RIMBP2: variants seen among roughly 807,000 people sequenced by gnomAD.
The protein encoded by RIMBP2 is RIMS binding protein 2, also known as RIMS-binding protein 2.
In RIMBP2, 48 loss-of-function variants were observed where a neutral mutation model predicts 118.6. The observed-to-expected ratio is 0.40, with a 90% CI of 0.32 to 0.51. The LOEUF is 0.51. Ranked by LOEUF, RIMBP2 falls within the 20% of genes least tolerant of loss-of-function variation. The pLI is 0.41. For missense variants in RIMBP2, 1,551 were observed against 1,768.3 expected, an observed-to-expected ratio of 0.88 and a Z score of 2.20; for synonymous variants, 762 against 742.9, an observed-to-expected ratio of 1.03 and a Z score of -0.42.
At chr12:130,655,707 A>T (rs1353925717) in intron 1 of RIMBP2, among the ~76,000 whole-genome samples, 1 of 152,242 alleles carries the variant, frequency 6.6e-6, no homozygotes, top group Non-Finnish European at 1.5e-5. Flanking sequence ...ATACAGGCAA[A>T]CACAGATACA....
rs901416141 is a variant in RIMBP2 at position 130,424,505 on chromosome 12, G to C, written c.2766C>G (p.Asp922Glu). ...SATRSPDSGL[D>E]CGSEEDESRF... ...GCGACTCGTCCTCTTCACTCCCACA[G>C]TCCAGGCCGCTGTCCGGGCTCCGGG... Residue 922 changes from aspartate (D) to glutamate (E), a missense_variant, in exon 16 of 23, where the codon GAC becomes GAG. By Grantham distance (45) the Asp-to-Glu change is conservative. Coordinates refer to ENST00000690449, the MANE Select transcript of RIMBP2 (RefSeq NM_001393629.1). The surrounding 1 kb of genome is among the most constrained non-coding windows in gnomAD (Gnocchi z 9.8). 2 of 1,232,036 alleles carry C rather than the reference G, an allele frequency of 1.6e-6. No homozygotes were observed. Among genetic ancestry groups the C allele is most frequent in the Admixed American group, 8.4e-5 (2 of 23,724 alleles). The allele number at this position is 1,232,036 out of a possible 1,614,324, so 76.3% of individuals were successfully genotyped here. A position where few individuals can be genotyped will look rare whatever the true frequency, so the allele number is the denominator to read the frequency against.
chr12:130,700,454 T>G (rs1288718113), intron 1 of RIMBP2, among the ~76,000 whole-genome samples: 1 of 151,938 alleles, frequency 6.6e-6, no homozygotes, highest in Admixed American at 6.6e-5. Flanking sequence ...ATGCAATTCT[T>G]AAGGTAGGAA....
At chr12:130,452,010 G>A (rs910660666) in intron 7 of RIMBP2, among the ~76,000 whole-genome samples, 1 of 152,202 alleles carries the variant, frequency 6.6e-6, no homozygotes, top group African/African-American at 2.4e-5. Flanking sequence ...GGTCTCAGGG[G>A]CTGCTGAGCC....
In RIMBP2 at chr12:130,621,107, C is replaced by T; in HGVS notation, c.-217+7215G>A. 6.6e-6 allele frequency among the ~76,000 whole-genome samples: 1 copy of T among 152,162 alleles called. No homozygotes were observed. The highest frequency in any genetic ancestry group is 1.9e-4 in the East Asian group (1 of 5,178). On this transcript the variant is annotated intron_variant, in intron 2 of 22. Coordinates refer to ENST00000690449, the MANE Select transcript of RIMBP2 (RefSeq NM_001393629.1). This position sits in a 1 kb window ranked among gnomAD's most constrained non-coding sequence, Gnocchi z 6.6. The stretch of plus-strand genomic sequence containing the variant: ...GAGGGTGGGTTCATTTTTTTACCAG[C>T]ACCCTGGGAGCTGGTCATTCCTACG...
In RIMBP2 at chr12:130,397,023, C is replaced by T. The variant is rs2074120667; in HGVS notation, c.*338G>A. 5.7e-6 allele frequency: 1 copy of T among 175,006 alleles called. No homozygotes were observed. The highest frequency in any genetic ancestry group is 2.3e-5 in the African/African-American group (1 of 42,570). The allele number at this position is 175,006 out of a possible 1,614,324, so 10.8% of individuals were successfully genotyped here. On this transcript the variant is annotated 3_prime_UTR_variant, in exon 23 of 23. Coordinates refer to ENST00000690449, the MANE Select transcript of RIMBP2 (RefSeq NM_001393629.1). ...AAGGGAGAAAGGTTGAAAATCATTC[C>T]TTTAAGGGCAGATGACAAATGCACA...
chr12:130,450,162 TCA>T lies in RIMBP2; in HGVS notation c.581+36_581+37del. On this transcript the variant is annotated intron_variant, in intron 9 of 22. Transcript: ENST00000690449. The surrounding 1 kb of genome is among the most constrained non-coding windows in gnomAD (Gnocchi z 4.8). ...AGACCCAACATCTCATCTGCCCCAC[TCA>T]CAGGGGCTCGGTGGACGCCGAGGGG... 7.0e-7 allele frequency: 1 copy of T among 1,428,050 alleles called. No individual in the cohort carries two copies. The highest frequency in any genetic ancestry group is 1.4e-5 in the African/African-American group (1 of 69,430). 88.5% of individuals were successfully genotyped at this position (1,428,050 alleles called of 1,614,324 possible).
chr12:130,672,579 A>G (rs568755203), intron 1 of RIMBP2, among the ~76,000 whole-genome samples: 1 of 152,326 alleles, frequency 6.6e-6, no homozygotes, highest in South Asian at 2.1e-4. Flanking sequence ...TGGAAGCAGC[A>G]CGTGGGCAAG....
In RIMBP2 at chr12:130,578,683, T is replaced by C. The variant is rs868322816; in HGVS notation, c.-217+49639A>G. Among the ~76,000 whole-genome samples, 1 of 152,174 alleles carries C rather than the reference T, an allele frequency of 6.6e-6. No individual in the cohort carries two copies. Among genetic ancestry groups the C allele is most frequent in the African/African-American group, 2.4e-5 (1 of 41,438 alleles). On this transcript the variant is annotated intron_variant, in intron 2 of 22. Transcript: ENST00000690449. This position sits in a 1 kb window ranked among gnomAD's most constrained non-coding sequence, Gnocchi z 4.1. ...GCGCAAATGCCCCCTTCTCAGAGAC[T>C]TCCCCTCGCTACCCAACGACCGAGT... is the stretch of plus-strand genomic sequence containing the variant.
At chr12:130,537,130 T>G (rs924574432) in intron 2 of RIMBP2, among the ~76,000 whole-genome samples, 4 of 152,160 alleles carry the variant, frequency 2.6e-5, no homozygotes, top group Non-Finnish European at 5.9e-5. Flanking sequence ...TGGATGGGGT[T>G]CCAGGGCAGA....
chr12:130,696,872 G>A (rs1407675475), intron 1 of RIMBP2, among the ~76,000 whole-genome samples: 1 of 152,178 alleles, frequency 6.6e-6, no homozygotes, highest in Non-Finnish European at 1.5e-5. Flanking sequence ...CAGGGCAGTG[G>A]CAACAGCTTC....
At chr12:130,632,562 G>A (rs988448539) in intron 1 of RIMBP2, among the ~76,000 whole-genome samples, 15 of 152,180 alleles carry the variant, frequency 9.9e-5, no homozygotes, top group Non-Finnish European at 2.1e-4. Context: ...CAACCACCCT[G>A]TTCTCTTTGC....
intron 1 of RIMBP2, among the ~76,000 whole-genome samples, chr12:130,695,978 G>C (rs1173352785): frequency 6.6e-6 from 1 of 152,034 alleles, no homozygotes; most frequent in Non-Finnish European, 1.5e-5. Flanking sequence ...GTACATTTAT[G>C]GGAGTAAGAA....
Position 130,624,262 on chromosome 12 carries a change from TG to T in RIMBP2, c.-217+4059del, listed in dbSNP as rs565232996. 1.6e-4 allele frequency among the ~76,000 whole-genome samples: 24 copies of T among 152,376 alleles called. No homozygotes were observed. The East Asian group carries it at 4.2e-3, about 27-fold the overall frequency. On this transcript the variant is annotated intron_variant, in intron 2 of 22. Coordinates refer to ENST00000690449, the MANE Select transcript of RIMBP2 (RefSeq NM_001393629.1). Reference sequence around the variant, plus strand: ...TATAGGACAGAGTTTCACATATGTTTGGAAGGTCCAAACTGATGACAGTGGT... The same window carrying T: ...TATAGGACAGAGTTTCACATATGTTTGAAGGTCCAAACTGATGACAGTGGT...
intron 1 of RIMBP2, among the ~76,000 whole-genome samples, chr12:130,632,331 TTAAGAA>T (rs1313016924): frequency 6.6e-6 from 1 of 152,206 alleles, no homozygotes. Context: ...AGAGAAATCA[TTAAGAA>T]TAACATGAAA....
chr12:130,409,488 G>A (rs1195502125), intron 19 of RIMBP2, among the ~76,000 whole-genome samples: 4 of 151,860 alleles, frequency 2.6e-5, no homozygotes, highest in East Asian at 1.9e-4. Flanking sequence ...GACTGCAGGC[G>A]CCCGCCACCA....
At chr12:130,486,711 GA>G (rs10689343) in intron 4 of RIMBP2, among the ~76,000 whole-genome samples, 25 of 144,286 alleles carry the variant, frequency 1.7e-4, no homozygotes, top group South Asian at 4.5e-4. Context: ...AGATCTTTGA[GA>G]AAAAAAAAAA....
rs76107904 is a variant in RIMBP2 at position 130,557,156 on chromosome 12, G to A, written c.-216-39239C>T. ...GACCTTTGCACACAGAGCTGCACAC[G>A]GGAAGAATGCCAGGTGAAGATGGGC... On this transcript the variant is annotated intron_variant, in intron 2 of 22. Transcript: ENST00000690449. Among the ~76,000 whole-genome samples the A allele has an allele frequency of 3.1e-4, 47 of 152,216 alleles. No homozygotes were observed. The East Asian group carries it at 6.6e-3, about 21-fold the overall frequency.
chr12:130,682,247 C>A lies in RIMBP2; in HGVS notation c.-352+33975G>T, dbSNP rs7963833. On this transcript the variant is annotated intron_variant, in intron 1 of 22. Transcript: ENST00000690449. ...CAAGGGATGCATCTCCTTTCCCAGCCAGAGAGCCTCGTCTGCTCTCCCTTC... is the reference window on the plus strand; with the variant it reads ...CAAGGGATGCATCTCCTTTCCCAGCAAGAGAGCCTCGTCTGCTCTCCCTTC... 1.5e-3 allele frequency among the ~76,000 whole-genome samples: 228 copies of A among 152,338 alleles called. 1 individual carries two copies. The highest frequency in any genetic ancestry group is 5.2e-3 in the African/African-American group (217 of 41,576).
intron 2 of RIMBP2, among the ~76,000 whole-genome samples, chr12:130,556,345 G>A (rs371499415): frequency 2.4e-4 from 37 of 152,170 alleles, no homozygotes; most frequent in African/African-American, 8.4e-4. Flanking sequence ...CCTAGAGACC[G>A]ATGATTCATT....
Sources: allele counts gnomAD v4.1 joint callset (sites outside exome capture counted in the v4.1 genomes callset), GRCh38; gene constraint gnomAD v4.1.1; non-coding constraint Gnocchi (gnomAD v3.1); transcripts MANE v1.5; gene names NCBI Gene and HGNC (gene_info 2026-07-23, HGNC 2026-07-21).